CTNNA2: variants seen among roughly 807,000 people sequenced by gnomAD.
CTNNA2 encodes catenin alpha 2.
A neutral mutation model predicts 101.0 loss-of-function variants in CTNNA2; 42 were observed. The ratio of observed to expected loss-of-function variants is 0.42; its 90% CI spans 0.32 to 0.54. The LOEUF is 0.54. CTNNA2 is among the 20% of genes least tolerant of loss of function. The probability of loss-of-function intolerance (pLI) is 0.14; values close to 1 mark genes in which losing one functional copy is unlikely to be tolerated. For missense variants in CTNNA2, 871 were observed against 1,223.1 expected (o/e 0.71, Z 4.29); for synonymous variants, 450 against 456.4 (o/e 0.99, Z 0.18).
intron 4 of CTNNA2, among the ~76,000 whole-genome samples, chr2:79,421,857 C>T (rs770314679): frequency 1.4e-4 from 22 of 152,054 alleles, no homozygotes; most frequent in East Asian, 3.9e-4. Context: ...TTTCTTACTC[C>T]GGGGCCATGG....
At chr2:79,759,391 C>CA (rs1672625019) in intron 3 of CTNNA2, among the ~76,000 whole-genome samples, 1 of 120,894 alleles carries the variant, frequency 8.3e-6, no homozygotes, top group Non-Finnish European at 1.7e-5. Context: ...GACTCCATCT[C>CA]AAAGATAATA....
intron 4 of CTNNA2, among the ~76,000 whole-genome samples, chr2:79,449,958 G>A (rs777245286): frequency 2.0e-5 from 3 of 151,940 alleles, no homozygotes; most frequent in African/African-American, 4.8e-5. Flanking sequence ...AGTCTCGAAC[G>A]CACAGATATT....
intron 3 of CTNNA2, among the ~76,000 whole-genome samples, chr2:79,797,983 C>T (rs1675853586): frequency 6.6e-6 from 1 of 151,976 alleles, no homozygotes. Flanking sequence ...CAAATTTACC[C>T]TTTTTCTCAT....
At chr2:79,772,674 G>A (rs1009652326) in intron 3 of CTNNA2, among the ~76,000 whole-genome samples, 4 of 152,108 alleles carry the variant, frequency 2.6e-5, no homozygotes, top group South Asian at 2.1e-4. Flanking sequence ...CTGAGCTCAA[G>A]CGGTTCTCCT....
At chr2:79,921,125 CA>C (rs1686623357) in intron 7 of CTNNA2, among the ~76,000 whole-genome samples, 1 of 152,148 alleles carries the variant, frequency 6.6e-6, no homozygotes, top group African/African-American at 2.4e-5. Context: ...ACTGTGTTTG[CA>C]GAGTCCCAGC....
rs1040724274 is a variant in CTNNA2 at position 80,448,485 on chromosome 2, A to T, written c.1290+28884A>T. On this transcript the variant is annotated intron_variant, in intron 9 of 18. Coordinates refer to ENST00000402739, the MANE Select transcript of CTNNA2 (RefSeq NM_001282597.3). ...CTGTGTGTTTCTGAATCCTGACTAC[A>T]CATTAGCATTACCTGAGGAACTTCA... Among the ~76,000 whole-genome samples, 38 of 152,150 alleles carry T rather than the reference A, an allele frequency of 2.5e-4. 1 individual carries two copies. The highest frequency in any genetic ancestry group is 8.7e-4 in the African/African-American group (36 of 41,432).
rs75036053 is a variant in CTNNA2, at chr2:79,244,281, C to T, written c.-406+46205C>T. Among the ~76,000 whole-genome samples the T allele has an allele frequency of 6.4e-3, 971 of 152,314 alleles. 4 individuals carry two copies. The highest frequency in any genetic ancestry group is 0.022 in the African/African-American group (918 of 41,566). On this transcript the variant is annotated intron_variant, in intron 2 of 21. Transcript: ENST00000466387. ...AATACCACCTCTTCTGGTCTCTCTC[C>T]GTCTCATTGCTGCTGTGTGGACAAA... is the stretch of plus-strand genomic sequence containing the variant.
intron 2 of CTNNA2, among the ~76,000 whole-genome samples, chr2:79,718,891 C>T (rs1292239578): frequency 1.9e-4 from 29 of 150,282 alleles, no homozygotes; most frequent in Admixed American, 6.6e-4. Flanking sequence ...CAGTTAAATA[C>T]CTGTGATTAA....
chr2:80,132,385 C>G (rs531470025), intron 7 of CTNNA2, among the ~76,000 whole-genome samples: 1 of 152,202 alleles, frequency 6.6e-6, no homozygotes, highest in Admixed American at 6.5e-5. Flanking sequence ...CATCTTCCTT[C>G]CAGATATGCT....
intron 1 of CTNNA2, among the ~76,000 whole-genome samples, chr2:79,568,911 A>G (rs1229599292): frequency 2.0e-5 from 3 of 149,652 alleles, no homozygotes; most frequent in African/African-American, 4.9e-5. Flanking sequence ...GTATGTGCTC[A>G]TAGTCCTAGC....
chr2:80,462,889 G>T (rs1358335189), intron 9 of CTNNA2, among the ~76,000 whole-genome samples: 2 of 151,898 alleles, frequency 1.3e-5, no homozygotes, highest in African/African-American at 4.8e-5. Flanking sequence ...CTCCACTCTA[G>T]CTTCTCGTTG....
At chr2:80,535,479 T>C (rs540710787) in intron 9 of CTNNA2, among the ~76,000 whole-genome samples, 1 of 152,194 alleles carries the variant, frequency 6.6e-6, no homozygotes, top group African/African-American at 2.4e-5. Context: ...TATTTATATT[T>C]TATAACTGAG....
intron 4 of CTNNA2, among the ~76,000 whole-genome samples, chr2:79,859,813 C>A (rs1448358991): frequency 6.6e-6 from 1 of 152,098 alleles, no homozygotes; most frequent in Non-Finnish European, 1.5e-5. Flanking sequence ...AACTGGGTTT[C>A]ATCTTGGTTT....
chr2:80,189,471 C>G lies in CTNNA2; in HGVS notation c.1057-203740C>G, dbSNP rs185394173. On this transcript the variant is annotated intron_variant, in intron 7 of 18. Coordinates refer to ENST00000402739, the MANE Select transcript of CTNNA2 (RefSeq NM_001282597.3). ...TACAAAATCTTGTATCCCATTCTTCCCTGCAGCATGGGATCCTGAGACTTT... is the reference window on the plus strand; with the variant it reads ...TACAAAATCTTGTATCCCATTCTTCGCTGCAGCATGGGATCCTGAGACTTT... Among the ~76,000 whole-genome samples the G allele has an allele frequency of 4.3e-4, 66 of 152,318 alleles. 2 individuals are homozygous for G. The highest frequency in any genetic ancestry group is 1.4e-3 in the African/African-American group (59 of 41,590).
chr2:80,614,943 A>C (rs992188484), intron 17 of CTNNA2, among the ~76,000 whole-genome samples: 1 of 151,198 alleles, frequency 6.6e-6, no homozygotes, highest in Non-Finnish European at 1.5e-5. Context: ...GTCAAGAAAC[A>C]GATTATTTAG....
chr2:79,977,222 G>GCGCACACA (rs142876512), intron 7 of CTNNA2, among the ~76,000 whole-genome samples: 13,607 of 144,724 alleles, frequency 0.094, 813 homozygotes, highest in Non-Finnish European at 0.14. Flanking sequence ...GCATATGCAT[G>GCGCACACA]CACACACACA....
At chr2:80,015,312 A>G (rs909556463) in intron 7 of CTNNA2, among the ~76,000 whole-genome samples, 6 of 152,058 alleles carry the variant, frequency 3.9e-5, no homozygotes, top group Non-Finnish European at 8.8e-5. Flanking sequence ...AACCAACCCA[A>G]TGCTATAATT....
chr2:80,588,253 C>T (rs777976779), intron 14 of CTNNA2, among the ~76,000 whole-genome samples: 8 of 152,194 alleles, frequency 5.3e-5, no homozygotes, highest in African/African-American at 7.2e-5. Flanking sequence ...GGACACTAGA[C>T]GCACTTCAGC....
intron 3 of CTNNA2, among the ~76,000 whole-genome samples, chr2:79,360,089 G>A (rs1373211494): frequency 6.6e-6 from 1 of 151,996 alleles, no homozygotes; most frequent in African/African-American, 2.4e-5. Flanking sequence ...GAGAGTCAAG[G>A]GTCCTGAGAC....
Sources: allele counts gnomAD v4.1 joint callset (sites outside exome capture counted in the v4.1 genomes callset), GRCh38; gene constraint gnomAD v4.1.1; transcripts MANE v1.5; gene names NCBI Gene and HGNC (gene_info 2026-07-23, HGNC 2026-07-21).